The following EP400 variants were observed in gnomAD, a reference collection of about 807,000 sequenced individuals.
EP400 encodes E1A binding protein p400.
In EP400, 105 loss-of-function variants were observed where a neutral mutation model predicts 354.1. The ratio of observed to expected loss-of-function variants is 0.30; its 90% CI spans 0.25 to 0.35. The LOEUF (loss-of-function observed/expected upper bound fraction) is 0.35, where lower values mean the gene tolerates loss of function less well. Ranked by LOEUF, EP400 falls within the 10% of genes least tolerant of loss-of-function variation. The pLI is 1.00. For missense variants in EP400, 3,280 were observed against 4,121.0 expected, an observed-to-expected ratio of 0.80 and a Z score of 5.59; for synonymous variants, 1,646 against 1,716.9, an observed-to-expected ratio of 0.96 and a Z score of 1.02.
At chr12:132,056,425 GCA>G (rs10660680) in intron 45 of EP400, among the ~76,000 whole-genome samples, 2,221 of 148,254 alleles carry the variant, frequency 0.015, 44 homozygotes, top group South Asian at 0.078. Flanking sequence ...CACAACACAC[GCA>G]CACACACACA....
intron 30 of EP400, 48 bp downstream of exon 30, chr12:132,032,197 T>C: frequency 6.4e-7 from 1 of 1,569,892 alleles, no homozygotes; most frequent in African/African-American, 1.4e-5. Flanking sequence ...GACATCCACA[T>C]ATACAGGTGA....
Position 132,006,843 on chromosome 12 carries a change from C to G in EP400, c.3270C>G (p.Ile1090Met), listed in dbSNP as rs1893598149. Residue 1090 changes from isoleucine to methionine, a missense_variant, in exon 15 of 53, where the codon ATC becomes ATG. Ile to Met is a conservative substitution (Grantham distance 10, BLOSUM62 1). Around this residue, in one of 20 missense-constraint regions of EP400, gnomAD observed 242 missense variants for 357.9 expected, o/e 0.68. Coordinates refer to ENST00000389561, the MANE Select transcript of EP400 (RefSeq NM_015409.5). Reference protein sequence around the residue: ...DEAGLGKTVQIIAFFAHLACN... With the variant: ...DEAGLGKTVQMIAFFAHLACN... Reference sequence around the variant, plus strand: ...CTGGGCTGGGTAAAACAGTGCAGATCATTGCTTTTTTTGCCCACCTAGCTT... The same window carrying G: ...CTGGGCTGGGTAAAACAGTGCAGATGATTGCTTTTTTTGCCCACCTAGCTT... The G allele has an allele frequency of 1.2e-6, 2 of 1,613,548 alleles. No homozygotes were observed. Among genetic ancestry groups the G allele is most frequent in the African/African-American group, 1.3e-5 (1 of 74,884 alleles).
At position 131,961,652 on chromosome 12, in the gene EP400, A is replaced by G. The variant is rs1022213203; in HGVS notation, c.1033A>G (p.Lys345Glu). The G allele has an allele frequency of 6.2e-7, 1 of 1,606,914 alleles. No homozygotes were observed. The highest frequency in any genetic ancestry group is 8.5e-7 in the Non-Finnish European group (1 of 1,176,200). Residue 345 changes from lysine to glutamate, a missense_variant, in exon 2 of 53, where the codon AAG becomes GAG. Physicochemically the swap from Lys to Glu is moderately conservative, Grantham distance 56. Around this residue, in one of 20 missense-constraint regions of EP400, gnomAD observed 85 missense variants for 180.3 expected, o/e 0.47. Transcript: ENST00000389561. The part of the protein sequence containing the change: ...PLTSVGNTGM[K>E]KVPKKLEEIP... ...CACGTCTGTGGGGAACACGGGAATG[A>G]AGAAGGTTCCCAAGAAGTTAGAGGA... is the stretch of plus-strand genomic sequence containing the variant.
intron 12 of EP400, among the ~76,000 whole-genome samples, chr12:131,998,177 C>A (rs1648299690): frequency 6.6e-6 from 1 of 152,122 alleles, no homozygotes; most frequent in African/African-American, 2.4e-5. Context: ...CACTGTCTTT[C>A]TTACTATAGC....
chr12:132,055,606 G>T (rs1895470888), intron 45 of EP400, among the ~76,000 whole-genome samples: 1 of 137,540 alleles, frequency 7.3e-6, no homozygotes, highest in African/African-American at 2.8e-5. Flanking sequence ...ATAGGGGTGT[G>T]TGTGAGGTGT....
Position 132,021,240 on chromosome 12 carries a change from C to A in EP400, c.4609C>A (p.Gln1537Lys). ...STPGQPPPQP[Q>K]APSHAAGQSA... ...CCCAGGCCAGCCCCCGCCCCAGCCC[C>A]AGGCCCCCTCGCACGCGGCCGGGCA... is the stretch of plus-strand genomic sequence containing the variant. The change falls in exon 23 of 53, where the codon CAG (glutamine) becomes AAG (lysine). Residue 1537 changes from glutamine to lysine, a missense_variant. Around this residue, in one of 20 missense-constraint regions of EP400, gnomAD observed 342 missense variants for 342.7 expected, o/e 1.00. Coordinates refer to ENST00000389561, the MANE Select transcript of EP400 (RefSeq NM_015409.5). 1 of 1,557,232 alleles carries A rather than the reference C, an allele frequency of 6.4e-7. No homozygotes were observed. The highest frequency in any genetic ancestry group is 1.2e-5 in the South Asian group (1 of 85,972).
At chr12:131,950,380 G>A (rs1240416838) in intron 1 of EP400, among the ~76,000 whole-genome samples, 1 of 152,196 alleles carries the variant, frequency 6.6e-6, no homozygotes, top group East Asian at 1.9e-4. Context: ...TCCGGCCCGC[G>A]CCTCCTGGTT....
intron 29 of EP400, 106 bp from the exon 30 acceptor site, chr12:132,031,847 G>A (rs1412191270): frequency 1.7e-5 from 21 of 1,237,266 alleles, no homozygotes; most frequent in African/African-American, 7.5e-5. Context: ...GAGCCGCCAC[G>A]CCCGGCCTGC....
intron 41 of EP400, among the ~76,000 whole-genome samples, chr12:132,051,602 G>A (rs1455817511): frequency 6.6e-6 from 1 of 152,216 alleles, no homozygotes; most frequent in Non-Finnish European, 1.5e-5. Flanking sequence ...GCTTATCGGA[G>A]ACTTTTAGTA....
Position 132,075,657 on chromosome 12 carries a change from G to A in EP400, c.9022-859G>A, listed in dbSNP as rs1167878232. 6.6e-6 allele frequency: 1 copy of A among 152,198 alleles called. No homozygotes were observed. The highest frequency in any genetic ancestry group is 2.4e-5 in the African/African-American group (1 of 41,440). 9.4% of individuals were successfully genotyped at this position (152,198 alleles called of 1,614,324 possible). A position where few individuals can be genotyped will look rare whatever the true frequency, so the allele number is the denominator to read the frequency against. On this transcript the variant is annotated intron_variant, in intron 51 of 52. Coordinates refer to ENST00000389561, the MANE Select transcript of EP400 (RefSeq NM_015409.5). The surrounding 1 kb of genome is among the most constrained non-coding windows in gnomAD (Gnocchi z 4.5). Reference sequence around the variant, plus strand: ...TGCCTTCTGATTGATTTTAATTTTAGTAAGGACTAACATTTATTTCGACCT... The same window carrying A: ...TGCCTTCTGATTGATTTTAATTTTAATAAGGACTAACATTTATTTCGACCT...
At chr12:131,967,865 G>A (rs894146536) in intron 2 of EP400, among the ~76,000 whole-genome samples, 208 of 151,962 alleles carry the variant, frequency 1.4e-3, no homozygotes, top group African/African-American at 4.9e-3. Flanking sequence ...TTTTAATTTG[G>A]ATGTCTCTGA....
chr12:132,017,488 A>G lies in EP400; in HGVS notation c.3924-47A>G, dbSNP rs1945923649. 1.9e-6 allele frequency: 3 copies of G among 1,598,600 alleles called. No homozygotes were observed. The highest frequency in any genetic ancestry group is 2.6e-6 in the Non-Finnish European group (3 of 1,170,914). ...CGATGGTGAGGGTGGGACTATGTCC[A>G]TGTGCCGTTTGGATTGAATGCTTCG... On this transcript the variant is annotated intron_variant, in intron 19 of 52. Coordinates refer to ENST00000389561, the MANE Select transcript of EP400 (RefSeq NM_015409.5). This position sits in a 1 kb window ranked among gnomAD's most constrained non-coding sequence, Gnocchi z 5.0.
Position 131,987,893 on chromosome 12 carries a change from G to T in EP400, c.2409+3G>T. 2.5e-6 allele frequency: 4 copies of T among 1,602,706 alleles called. No homozygotes were observed. The highest frequency in any genetic ancestry group is 2.6e-6 in the Non-Finnish European group (3 of 1,173,780). ...GGAAGGTGGCTGCTGCGAAGAAGGTGGGTTGGAATGCGTGGAGCTGCTGTG... is the reference window on the plus strand; with the variant it reads ...GGAAGGTGGCTGCTGCGAAGAAGGTTGGTTGGAATGCGTGGAGCTGCTGTG... On this transcript the variant is annotated splice_donor_region_variant and intron_variant, in intron 7 of 52. Coordinates refer to ENST00000389561, the MANE Select transcript of EP400 (RefSeq NM_015409.5).
At chr12:131,981,779 C>G (rs926012466) in intron 4 of EP400, among the ~76,000 whole-genome samples, 183 bp downstream of exon 4, 9 of 152,202 alleles carry the variant, frequency 5.9e-5, no homozygotes, top group Admixed American at 5.9e-4. Flanking sequence ...GAGACATATT[C>G]TTGCCACACT....
intron 52 of EP400, 119 bp from the exon 53 acceptor site, chr12:132,077,282 G>A (rs977136901): frequency 1.2e-5 from 15 of 1,288,520 alleles, no homozygotes; most frequent in Non-Finnish European, 1.4e-5. Flanking sequence ...ATTCTTCCGT[G>A]TCATAAAAGC....
chr12:131,980,013 T>C (rs1892624623), intron 3 of EP400, among the ~76,000 whole-genome samples: 3 of 152,252 alleles, frequency 2.0e-5, no homozygotes, highest in Admixed American at 2.0e-4. Flanking sequence ...GTATTCCGTG[T>C]TGGTTTTCTG....
intron 2 of EP400, among the ~76,000 whole-genome samples, chr12:131,972,835 G>C (rs1270972740): frequency 1.4e-5 from 2 of 143,972 alleles, no homozygotes; most frequent in South Asian, 4.4e-4. Context: ...AGGCTCAAAC[G>C]ATTCTCCTGT....
chr12:131,968,501 G>A (rs1008370467), intron 2 of EP400, among the ~76,000 whole-genome samples: 4 of 152,226 alleles, frequency 2.6e-5, no homozygotes, highest in African/African-American at 7.2e-5. Context: ...AAGTCAAGTA[G>A]TGTGAGTTCT....
chr12:132,053,360 G>A lies in EP400; in HGVS notation c.7491G>A (p.Gln2497=). 1.3e-6 allele frequency: 2 copies of A among 1,579,538 alleles called. No individual in the cohort carries two copies. The highest frequency in any genetic ancestry group is 1.7e-6 in the Non-Finnish European group (2 of 1,170,158). ...CCCCTCAGGCTCTGGCTGATCAGCA[G>A]AAGGCACAGCAGCCGGCCGTGGCCC... ...AKEKKALADQ[Q]KAQQPAVAQP... The change falls in exon 43 of 53, where the codon CAG becomes CAA. Residue 2497 remains glutamine (Q), a synonymous_variant. Coordinates refer to ENST00000389561, the MANE Select transcript of EP400 (RefSeq NM_015409.5).
Sources: gnomAD v4.1 joint callset for allele counts (sites outside exome capture counted in the v4.1 genomes callset) on GRCh38, gnomAD v4.1.1 for gene constraint, gnomAD v4.1.1 regional missense constraint, Gnocchi (gnomAD v3.1) non-coding constraint, MANE v1.5 for transcripts, NCBI Gene and HGNC (gene_info 2026-07-23, HGNC 2026-07-21) for gene names.